NLRP2: variants seen among roughly 807,000 people sequenced by gnomAD.
NLRP2 encodes NLR family pyrin domain containing 2, also known as NACHT, LRR and PYD domains-containing protein 2.
Under a neutral mutation model 97.2 loss-of-function variants are expected in NLRP2, and 107 were observed. The ratio of observed to expected loss-of-function variants is 1.10; its 90% CI spans 0.94 to 1.29. The LOEUF is 1.29. Ranked by LOEUF, NLRP2 falls within the 50% of genes most tolerant of loss-of-function variation. NLRP2 has a pLI of 0.00. For missense variants in NLRP2, 1,495 were observed against 1,330.3 expected, an observed-to-expected ratio of 1.12 and a Z score of -1.93; for synonymous variants, 663 against 551.5, an observed-to-expected ratio of 1.20 and a Z score of -2.83.
chr19:54,997,425 T>G lies in NLRP2; in HGVS notation c.2988T>G (p.Ser996=). The change falls in exon 12 of 13, where the codon TCT becomes TCG. Residue 996 remains serine (S), a synonymous_variant. Coordinates refer to ENST00000448584, the MANE Select transcript of NLRP2 (RefSeq NM_017852.5). ...ACCTGGGTCAGAATCCCTTGGGGTC[T>G]AGTGGAGTGAAGATGCTGTTTGAAA... ...TLDLGQNPLG[S]SGVKMLFETL... 6.2e-7 allele frequency: 1 copy of G among 1,614,220 alleles called. No homozygotes were observed. Among genetic ancestry groups the G allele is most frequent in the African/African-American group, 1.3e-5 (1 of 75,068 alleles).
chr19:54,989,986 A>AG, intron 8 of NLRP2, 36 bp from the exon 9 acceptor site: 1 of 1,611,174 alleles, frequency 6.2e-7, no homozygotes, highest in Non-Finnish European at 8.5e-7. Flanking sequence ...GTCTCAAAAA[A>AG]AAAAAAAAAA....
At chr19:54,972,066 TGTC>T (rs2070894642) in intron 2 of NLRP2, among the ~76,000 whole-genome samples, 1 of 150,614 alleles carries the variant, frequency 6.6e-6, no homozygotes, top group African/African-American at 2.4e-5. Flanking sequence ...ATAGTCTCGA[TGTC>T]GTGACCTCAT....
At chr19:54,995,930 C>T (rs559006458) in intron 11 of NLRP2, among the ~76,000 whole-genome samples, 15 of 150,842 alleles carry the variant, frequency 9.9e-5, no homozygotes, top group Non-Finnish European at 1.8e-4. Context: ...CTCCCAGTTA[C>T]TCAGGAGGCT....
rs760640250 is a variant in NLRP2 at position 54,986,140 on chromosome 19, C to CT, written c.2202-7dup. ...ACACTAAAGATTTCACTTTCGTTCT[C>CT]TTTTCCCTAGGTTCAAAAACATTTC... On this transcript the variant is annotated splice_polypyrimidine_tract_variant and intron_variant, in intron 7 of 12. Transcript: ENST00000448584. 2.1e-5 allele frequency: 33 copies of CT among 1,607,040 alleles called. No homozygotes were observed. The South Asian group carries it at 3.0e-4, about 14-fold the overall frequency.
In NLRP2 at chr19:54,991,924, ATTT is replaced by A. The variant is rs199627730; in HGVS notation, c.2708+1268_2708+1270del. On this transcript the variant is annotated intron_variant, in intron 10 of 12. Coordinates refer to ENST00000448584, the MANE Select transcript of NLRP2 (RefSeq NM_017852.5). ...TCGATTTTATGTTAACATCTCTGGT[ATTT>A]TTTTTTTTTTTTTTTAAGATGGAGT... Among the ~76,000 whole-genome samples the A allele has an allele frequency of 1.0e-3, 127 of 127,280 alleles. 1 individual carries two copies. Among genetic ancestry groups the A allele is most frequent in the African/African-American group, 3.2e-3 (110 of 34,022 alleles). The allele number at this position is 127,280 out of a possible 152,430, so 83.5% of individuals were successfully genotyped here. A position where few individuals can be genotyped will look rare whatever the true frequency, so the allele number is the denominator to read the frequency against.
chr19:54,995,440 G>A (rs537324404), intron 11 of NLRP2, among the ~76,000 whole-genome samples: 10 of 151,566 alleles, frequency 6.6e-5, no homozygotes, highest in South Asian at 6.3e-4. Flanking sequence ...GAGAGCCACC[G>A]TGCCCAGCCA....
At chr19:54,976,810 CTCTTTTTTTTTTTT>C (rs2071262974) in intron 3 of NLRP2, 1 of 268,530 alleles carries the variant, frequency 3.7e-6, no homozygotes, top group East Asian at 1.3e-4. Context: ...CTTGTTCTCT[CTCTTTTTTTTTTTT>C]TTTTTGATAC....
At position 54,995,129 on chromosome 19, in the gene NLRP2, C is replaced by CT. The variant is rs527784156; in HGVS notation, c.2879+692dup. Among the ~76,000 whole-genome samples the CT allele has an allele frequency of 9.1e-5, 9 of 98,790 alleles. No individual in the cohort carries two copies. In the South Asian group the frequency reaches 2.4e-3, roughly 27 times the overall value. The allele number at this position is 98,790 out of a possible 152,430, so 64.8% of individuals were successfully genotyped here. A position where few individuals can be genotyped will look rare whatever the true frequency, so the allele number is the denominator to read the frequency against. ...AGGAGCTCAAGACCAGCCTGGCCAACTTGAAACTCCATCTCTACTAAAATA... is the reference window on the plus strand; with the variant it reads ...AGGAGCTCAAGACCAGCCTGGCCAACTTTGAAACTCCATCTCTACTAAAATA... On this transcript the variant is annotated intron_variant, in intron 11 of 12. Transcript: ENST00000448584.
At chr19:54,967,038 C>T (rs781682667) in intron 1 of NLRP2, among the ~76,000 whole-genome samples, 2 of 151,632 alleles carry the variant, frequency 1.3e-5, no homozygotes, top group South Asian at 2.1e-4. Context: ...CCACTGTTTG[C>T]AGAGACTCAC....
At chr19:54,973,344 G>GTTTTTTTTTTTTTTTTTTT (rs10673643) in intron 2 of NLRP2, among the ~76,000 whole-genome samples, 1 of 92,554 alleles carries the variant, frequency 1.1e-5, no homozygotes, top group Non-Finnish European at 2.0e-5. Context: ...ATGGGTGAGG[G>GTTTTTTTTTTTTTTTTTTT]TTTTTTTTTT....
At position 54,997,441 on chromosome 19, in the gene NLRP2, C is replaced by T. The variant is rs749383131; in HGVS notation, c.3004C>T (p.Leu1002=). The T allele has an allele frequency of 3.8e-5, 62 of 1,614,084 alleles. No individual in the cohort carries two copies. Among genetic ancestry groups the T allele is most frequent in the Non-Finnish European group, 5.2e-5 (61 of 1,180,042 alleles). The part of the protein sequence containing the change: ...NPLGSSGVKM[L]FETLTCSSGT... ...CTTGGGGTCTAGTGGAGTGAAGATG[C>T]TGTTTGAAACCTTGACATGTTCCAG... Residue 1002 remains leucine, a synonymous_variant, in exon 12 of 13, where the codon CTG becomes TTG. Coordinates refer to ENST00000448584, the MANE Select transcript of NLRP2 (RefSeq NM_017852.5).
chr19:54,982,553 C>G lies in NLRP2; in HGVS notation c.855C>G (p.Phe285Leu), dbSNP rs147098165. The change falls in exon 6 of 13, where the codon TTC (phenylalanine) becomes TTG (leucine). Residue 285 changes from phenylalanine (F) to leucine (L), a missense_variant. By Grantham distance (22) the Phe-to-Leu change is conservative. Transcript: ENST00000448584. The stretch of plus-strand genomic sequence containing the variant: ...TAGCCCAAGCACGGAAAATCTTGTT[C>G]GTGATTGACGGCTTTGATGAGCTGG... The part of the protein sequence containing the change: ...HILAQARKIL[F>L]VIDGFDELGA... The G allele has an allele frequency of 3.1e-6, 5 of 1,614,180 alleles. No homozygotes were observed. The highest frequency in any genetic ancestry group is 4.5e-5 in the East Asian group (2 of 44,880).
At chr19:54,966,833 T>TC (rs1568455758) in intron 1 of NLRP2, among the ~76,000 whole-genome samples, 98 of 104,820 alleles carry the variant, frequency 9.3e-4, no homozygotes, top group African/African-American at 2.8e-3. Context: ...GCCTTTTTTT[T>TC]TTTTTTTTTT....
chr19:54,994,922 C>G (rs1269454747), intron 11 of NLRP2, among the ~76,000 whole-genome samples: 1 of 150,900 alleles, frequency 6.6e-6, no homozygotes, highest in African/African-American at 2.4e-5. Flanking sequence ...TGTCTAAGTT[C>G]TAGTCTGTGT....
At chr19:54,999,851 G>A (rs1196507779) in intron 12 of NLRP2, among the ~76,000 whole-genome samples, 1 of 151,846 alleles carries the variant, frequency 6.6e-6, no homozygotes, top group Non-Finnish European at 1.5e-5. Context: ...ATTCTCCTGT[G>A]TCAGCTTCCT....
intron 11 of NLRP2, 137 bp from the exon 12 acceptor site, chr19:54,997,180 C>T (rs1023554542): frequency 2.3e-6 from 2 of 866,104 alleles, no homozygotes; most frequent in South Asian, 2.7e-5. Flanking sequence ...GCTGGGATTA[C>T]AGGCGTGAAC....
intron 6 of NLRP2, among the ~76,000 whole-genome samples, chr19:54,984,483 A>ATTTTTTTTTTT (rs1568505832): frequency 1.1e-4 from 5 of 46,184 alleles, no homozygotes; most frequent in Middle Eastern, 0.01. Flanking sequence ...TATATTCCCA[A>ATTTTTTTTTTT]TCTTTTTTTT....
Position 54,982,873 on chromosome 19 carries a change from TC to T in NLRP2, c.1177del (p.Gln393SerfsTer16), listed in dbSNP as rs1370816934. On this transcript the variant is annotated frameshift_variant, in exon 6 of 13. Coordinates refer to ENST00000448584, the MANE Select transcript of NLRP2 (RefSeq NM_017852.5). LOFTEE classifies it high-confidence loss of function. ...CTAATGAGGAGCAACGCGGCCCTGT[TC>T]CAGCTGGGCTCGGCCCCCGCGGTGT... ...FELMRSNAAL[F>X]QLGSAPAVCW... The T allele has an allele frequency of 1.1e-5, 17 of 1,612,924 alleles. No individual in the cohort carries two copies. The African/African-American group carries it at 2.0e-4, about 19-fold the overall frequency.
chr19:54,972,075 C>G (rs141573213), intron 2 of NLRP2, among the ~76,000 whole-genome samples: 1,898 of 150,306 alleles, frequency 0.013, 31 homozygotes, highest in African/African-American at 0.043. Context: ...ATGTCGTGAC[C>G]TCATGATCTG....
Sources: allele counts gnomAD v4.1 joint callset (sites outside exome capture counted in the v4.1 genomes callset), GRCh38; gene constraint gnomAD v4.1.1; transcripts MANE v1.5; gene names NCBI Gene and HGNC (gene_info 2026-07-23, HGNC 2026-07-21).